Variants in CDC16 observed in about 807,000 individuals in gnomAD.
CDC16 encodes the protein cell division cycle protein 16 homolog.
Under a neutral mutation model 87.0 loss-of-function variants are expected in CDC16, and 34 were observed. The ratio of observed to expected loss-of-function variants is 0.39; its 90% CI spans 0.30 to 0.52. The LOEUF (loss-of-function observed/expected upper bound fraction) is 0.52, where lower values mean the gene tolerates loss of function less well. Among genes scored for constraint, CDC16 ranks in the 20% least tolerant of loss-of-function variants. The pLI is 0.74. For synonymous variants in CDC16, 263 were observed against 260.6 expected (o/e 1.01, Z -0.09); for missense variants, 653 against 751.9 (o/e 0.87, Z 1.54).
rs2081175792 is a variant in CDC16 at position 114,235,091 on chromosome 13, C to G, written c.7C>G (p.Leu3Val). ...AGGCCGGGCCCGCGCCGCCATGAAC[C>G]TAGAGCGGCTGCGGAAGCGCGTCCG... MN[L>V]ERLRKRVRQY... The change falls in exon 1 of 18, where the codon CTA becomes GTA. Residue 3 changes from leucine (L) to valine (V), a missense_variant. By Grantham distance (32) the Leu-to-Val change is conservative. Coordinates refer to ENST00000356221, the MANE Select transcript of CDC16 (RefSeq NM_001078645.3). 1.6e-6 allele frequency: 2 copies of G among 1,245,382 alleles called. No homozygotes were observed. The highest frequency in any genetic ancestry group is 2.0e-6 in the Non-Finnish European group (2 of 995,416). The allele number at this position is 1,245,382 out of a possible 1,614,324, so 77.1% of individuals were successfully genotyped here.
At chr13:114,251,688 G>T (rs2183053) in intron 12 of CDC16, among the ~76,000 whole-genome samples, 1,730 of 152,316 alleles carry the variant, frequency 0.011, 95 homozygotes, top group Admixed American at 0.08. Context: ...CACAGACTGG[G>T]TGACTTAAAG....
rs1566640267 is a variant in CDC16 at position 114,242,236 on chromosome 13, C to T, written c.497C>T (p.Ala166Val). 2.5e-6 allele frequency: 4 copies of T among 1,613,952 alleles called. No homozygotes were observed. Among genetic ancestry groups the T allele is most frequent in the Non-Finnish European group, 3.4e-6 (4 of 1,179,980 alleles). ...ALKLDVYCFE[A>V]FDLLTSHHML... ...AAGCTTGATGTCTACTGTTTTGAAG[C>T]GTTCGATCTTTTAACATCACATCAC... The change falls in exon 6 of 18, where the codon GCG becomes GTG. Residue 166 changes from alanine to valine, a missense_variant. Ala to Val is a moderately conservative substitution (Grantham distance 64). Coordinates refer to ENST00000356221, the MANE Select transcript of CDC16 (RefSeq NM_001078645.3).
chr13:114,248,778 G>C (rs575596765), intron 11 of CDC16, among the ~76,000 whole-genome samples: 1 of 152,262 alleles, frequency 6.6e-6, no homozygotes, highest in Admixed American at 6.5e-5. Flanking sequence ...GTACTAGGAA[G>C]AAACTAGAAT....
intron 5 of CDC16, among the ~76,000 whole-genome samples, chr13:114,240,634 A>G (rs570673228): frequency 6.6e-6 from 1 of 152,378 alleles, no homozygotes; most frequent in African/African-American, 2.4e-5. Flanking sequence ...TTGGGATTAC[A>G]GTCATGAGCC....
chr13:114,265,305 T>G (rs2083132708), intron 17 of CDC16, 65 bp downstream of exon 17: 4 of 1,018,270 alleles, frequency 3.9e-6, no homozygotes, highest in Non-Finnish European at 6.2e-6. Flanking sequence ...TGTCTCTGTT[T>G]ATGTTTCTCA....
chr13:114,247,831 G>GC (rs2081955081), intron 11 of CDC16, among the ~76,000 whole-genome samples: 2 of 152,108 alleles, frequency 1.3e-5, no homozygotes, highest in Non-Finnish European at 2.9e-5. Flanking sequence ...AGCTGATATC[G>GC]CACCATTGCA....
rs2081790941 is a variant in CDC16 at position 114,245,155 on chromosome 13, C to A, written c.847+186C>A. 2.0e-5 allele frequency among the ~76,000 whole-genome samples: 3 copies of A among 152,032 alleles called. No homozygotes were observed. The South Asian group carries it at 6.2e-4, about 32-fold the overall frequency. On this transcript the variant is annotated intron_variant, in intron 9 of 17. Coordinates refer to ENST00000356221, the MANE Select transcript of CDC16 (RefSeq NM_001078645.3). ...AGTAGCAAATGGCCAATTTTGTTTT[C>A]CCATCAGAACAATTAGTTCTTTATC... is the stretch of plus-strand genomic sequence containing the variant.
chr13:114,265,692 A>C (rs1312994025), intron 17 of CDC16, among the ~76,000 whole-genome samples: 1 of 152,188 alleles, frequency 6.6e-6, no homozygotes, highest in East Asian at 1.9e-4. Flanking sequence ...ATAAGTTTGG[A>C]TGGAATTGCT....
At chr13:114,238,943 T>C in intron 3 of CDC16, 47 bp from the exon 4 acceptor site, 1 of 1,577,062 alleles carries the variant, frequency 6.3e-7, no homozygotes, top group Non-Finnish European at 8.6e-7. Context: ...AAAGTGAAGA[T>C]ACATATTATT....
chr13:114,252,337 T>C (rs2082242694), intron 12 of CDC16, among the ~76,000 whole-genome samples: 1 of 152,258 alleles, frequency 6.6e-6, no homozygotes, highest in South Asian at 2.1e-4. Context: ...GGACTTCATG[T>C]AACCTTTATT....
chr13:114,267,019 G>A (rs2083271793), intron 17 of CDC16, among the ~76,000 whole-genome samples: 1 of 152,096 alleles, frequency 6.6e-6, no homozygotes, highest in African/African-American at 2.4e-5. Context: ...CTTACAGGGG[G>A]CTGTGATGTC....
chr13:114,235,255 T>C, intron 1 of CDC16, 123 bp downstream of exon 1: 1 of 617,660 alleles, frequency 1.6e-6, no homozygotes. Context: ...GCCCTGGGCC[T>C]TCATCTGGGG....
intron 15 of CDC16, 26 bp from the exon 16 acceptor site, chr13:114,262,853 G>A (rs1277452418): frequency 6.2e-7 from 1 of 1,613,360 alleles, no homozygotes; most frequent in South Asian, 1.1e-5. Context: ...TTTTACTGTA[G>A]CCAATAATTG....
At chr13:114,239,247 A>G (rs769885696) in intron 4 of CDC16, 103 bp from the exon 5 acceptor site, 5 of 1,490,880 alleles carry the variant, frequency 3.4e-6, no homozygotes, top group African/African-American at 2.8e-5. Context: ...GACATTTCAC[A>G]TTTAAATAAT....
chr13:114,271,850 G>T (rs2083698478), intron 17 of CDC16, among the ~76,000 whole-genome samples: 2 of 152,276 alleles, frequency 1.3e-5, no homozygotes, highest in South Asian at 4.1e-4. Context: ...TATTTAGGAG[G>T]CCTTGGAAAT....
At chr13:114,241,280 T>A (rs1453738768) in intron 5 of CDC16, among the ~76,000 whole-genome samples, 1 of 152,224 alleles carries the variant, frequency 6.6e-6, no homozygotes, top group Non-Finnish European at 1.5e-5. Context: ...TTTTTACAGA[T>A]GAGGATAGGA....
intron 12 of CDC16, among the ~76,000 whole-genome samples, chr13:114,254,268 T>C (rs904807659): frequency 1.3e-5 from 2 of 152,238 alleles, no homozygotes; most frequent in African/African-American, 2.4e-5. Context: ...TGTCTGGCGT[T>C]TTGTTCTTTA....
chr13:114,269,914 C>T (rs1009346193), intron 17 of CDC16, among the ~76,000 whole-genome samples: 2 of 152,140 alleles, frequency 1.3e-5, no homozygotes, highest in Non-Finnish European at 2.9e-5. Context: ...CCATGTTGGC[C>T]AGGCTGGTCT....
At position 114,259,279 on chromosome 13, in the gene CDC16, A is replaced by T. The variant is rs567214557; in HGVS notation, c.1251-56A>T. On this transcript the variant is annotated intron_variant, in intron 13 of 17. Coordinates refer to ENST00000356221, the MANE Select transcript of CDC16 (RefSeq NM_001078645.3). Reference sequence around the variant, plus strand: ...TAGAAAGGTAATCAAAAATTTTTTTAAAGTTTATATTTGCTAATTTCGAAT... The same window carrying T: ...TAGAAAGGTAATCAAAAATTTTTTTTAAGTTTATATTTGCTAATTTCGAAT... The T allele has an allele frequency of 2.9e-5, 38 of 1,318,050 alleles. No homozygotes were observed. In the East Asian group the frequency reaches 6.0e-4, roughly 21 times the overall value. 81.6% of individuals were successfully genotyped at this position (1,318,050 alleles called of 1,614,324 possible). A position where few individuals can be genotyped will look rare whatever the true frequency, so the allele number is the denominator to read the frequency against.
Sources: gnomAD v4.1 joint callset for allele counts (sites outside exome capture counted in the v4.1 genomes callset) on GRCh38, gnomAD v4.1.1 for gene constraint, MANE v1.5 for transcripts, NCBI Gene and HGNC (gene_info 2026-07-23, HGNC 2026-07-21) for gene names.